Variants in OR3A2 observed in about 807,000 individuals in gnomAD.
OR3A2 encodes the protein olfactory receptor family 3 subfamily A member 2.
For synonymous variants in OR3A2, 126 were observed against 159.3 expected (o/e 0.79, Z 1.57); for missense variants, 318 against 392.8 (o/e 0.81, Z 1.61).
chr17:3,331,077 G>C (rs1008096391), intron 3 of OR3A2, among the ~76,000 whole-genome samples: 20 of 152,300 alleles, frequency 1.3e-4, no homozygotes, highest in African/African-American at 4.6e-4. Flanking sequence ...TCTGCCGAGA[G>C]ATCAGCTGTT....
intron 3 of OR3A2, among the ~76,000 whole-genome samples, chr17:3,297,233 G>A (rs1357121636): frequency 6.6e-6 from 1 of 152,166 alleles, no homozygotes; most frequent in Admixed American, 6.5e-5. Flanking sequence ...CACCCTCTGA[G>A]TCTAATCATC....
At chr17:3,337,135 AT>A (rs1178829578) in intron 2 of OR3A2, among the ~76,000 whole-genome samples, 1 of 152,136 alleles carries the variant, frequency 6.6e-6, no homozygotes, top group African/African-American at 2.4e-5. Context: ...TTTAACCTTC[AT>A]TTTTTATTTT....
intron 1 of OR3A2, among the ~76,000 whole-genome samples, chr17:3,284,041 G>A (rs1404103465): frequency 2.0e-5 from 3 of 147,724 alleles, no homozygotes; most frequent in Non-Finnish European, 3.0e-5. Context: ...CATCCCTCAC[G>A]CGCCCAACAT....
chr17:3,362,835 C>T (rs1222959722), intron 2 of OR3A2, among the ~76,000 whole-genome samples: 1 of 151,740 alleles, frequency 6.6e-6, no homozygotes, highest in Non-Finnish European at 1.5e-5. Flanking sequence ...TCCCAAACCT[C>T]AACTCTTGTC....
At chr17:3,283,760 A>G (rs539433235) in intron 1 of OR3A2, among the ~76,000 whole-genome samples, 1 of 152,066 alleles carries the variant, frequency 6.6e-6, no homozygotes, top group African/African-American at 2.4e-5. Context: ...AAACCTCCCA[A>G]AACAATACGG....
At chr17:3,347,972 G>C (rs2049382598) in intron 2 of OR3A2, among the ~76,000 whole-genome samples, 2 of 152,250 alleles carry the variant, frequency 1.3e-5, no homozygotes, top group South Asian at 4.1e-4. Context: ...TTGTGGTTTT[G>C]ATTTGCATTT....
At chr17:3,368,249 T>C (rs75838959) in intron 2 of OR3A2, among the ~76,000 whole-genome samples, 2,148 of 152,300 alleles carry the variant, frequency 0.014, 54 homozygotes, top group African/African-American at 0.048. Flanking sequence ...TTAAATACCA[T>C]CTATTTATCT....
At chr17:3,278,109 G>A in exon 2 of OR3A2, 1 of 1,614,216 alleles carries the variant, frequency 6.2e-7, no homozygotes, top group Non-Finnish European at 8.5e-7. Flanking sequence ...CTTGTCTGAA[G>A]CCTCCTCTGA....
At chr17:3,330,937 G>C (rs1400442733) in intron 3 of OR3A2, among the ~76,000 whole-genome samples, 4 of 151,926 alleles carry the variant, frequency 2.6e-5, no homozygotes, top group African/African-American at 9.7e-5. Context: ...GCATTTGCTT[G>C]TCTGTAAAGG....
At chr17:3,342,213 C>T (rs548003803) in intron 2 of OR3A2, among the ~76,000 whole-genome samples, 1 of 152,206 alleles carries the variant, frequency 6.6e-6, no homozygotes, top group South Asian at 2.1e-4. Context: ...GTTCAAACAC[C>T]CTCCTTTAGC....
intron 3 of OR3A2, among the ~76,000 whole-genome samples, chr17:3,294,321 T>C (rs1292865997): frequency 1.3e-5 from 2 of 151,634 alleles, no homozygotes; most frequent in African/African-American, 2.4e-5. Context: ...AATGTAAAAT[T>C]ACTATACCAA....
At chr17:3,342,050 T>C (rs2049323381) in intron 2 of OR3A2, among the ~76,000 whole-genome samples, 1 of 152,248 alleles carries the variant, frequency 6.6e-6, no homozygotes, top group Non-Finnish European at 1.5e-5. Context: ...TTCCACTTGA[T>C]CAAATCGGCT....
At chr17:3,319,532 C>T (rs558556861) in intron 3 of OR3A2, among the ~76,000 whole-genome samples, 1 of 152,048 alleles carries the variant, frequency 6.6e-6, no homozygotes, top group Non-Finnish European at 1.5e-5. Context: ...CCCCATCCCA[C>T]CACCCCACAA....
intron 3 of OR3A2, chr17:3,292,141 C>A (rs558723013): frequency 1.4e-5 from 23 of 1,614,022 alleles, no homozygotes; most frequent in Non-Finnish European, 1.9e-5. Context: ...GACGCAGCCA[C>A]CAACATCCTC....
intron 2 of OR3A2, among the ~76,000 whole-genome samples, chr17:3,381,445 T>C (rs2049735971): frequency 6.6e-6 from 1 of 152,078 alleles, no homozygotes; most frequent in Admixed American, 6.5e-5. Flanking sequence ...GAAAGGGCTA[T>C]GTGTCCACAA....
At chr17:3,325,538 T>G (rs2049164426) in intron 3 of OR3A2, among the ~76,000 whole-genome samples, 1 of 152,156 alleles carries the variant, frequency 6.6e-6, no homozygotes, top group Non-Finnish European at 1.5e-5. Context: ...TATCTCTTTT[T>G]ATCAAATTTT....
At chr17:3,278,374 A>T in exon 2 of OR3A2, 2 of 1,614,228 alleles carry the variant, frequency 1.2e-6, no homozygotes, top group Non-Finnish European at 8.5e-7. Context: ...GGGAGGTCAC[A>T]GTAGAAGTGA....
At chr17:3,300,510 G>A (rs547996281) in intron 3 of OR3A2, among the ~76,000 whole-genome samples, 1 of 152,240 alleles carries the variant, frequency 6.6e-6, no homozygotes, top group African/African-American at 2.4e-5. Flanking sequence ...AGTGAGCTGA[G>A]ATCACACCAC....
At chr17:3,280,264 A>G (rs2048768851) in intron 1 of OR3A2, among the ~76,000 whole-genome samples, 2 of 149,324 alleles carry the variant, frequency 1.3e-5, no homozygotes, top group South Asian at 4.2e-4. Flanking sequence ...CGCTGAAGTC[A>G]TTTTTCAGAT....
Sources: allele counts gnomAD v4.1 joint callset (sites outside exome capture counted in the v4.1 genomes callset), GRCh38; gene constraint gnomAD v4.1.1; transcripts MANE v1.5; gene names NCBI Gene and HGNC (gene_info 2026-07-23, HGNC 2026-07-21).